TMTC4: variants seen among roughly 807,000 people sequenced by gnomAD.
TMTC4 encodes the protein protein O-mannosyl-transferase TMTC4.
TMTC4 carries 65 observed loss-of-function variants against 86.0 expected under a neutral mutation model. That is an observed-to-expected ratio of 0.76 (90% CI 0.62 to 0.93). The LOEUF is 0.93. Ranked by LOEUF, TMTC4 falls within the 40% of genes least tolerant of loss-of-function variation. TMTC4 has a pLI of 0.00. For missense variants in TMTC4, 866 were observed against 948.1 expected, an observed-to-expected ratio of 0.91 and a Z score of 1.14; for synonymous variants, 379 against 382.5, an observed-to-expected ratio of 0.99 and a Z score of 0.11.
intron 15 of TMTC4, among the ~76,000 whole-genome samples, chr13:100,618,811 G>A (rs1482276542): frequency 1.3e-5 from 2 of 152,198 alleles, no homozygotes; most frequent in Non-Finnish European, 2.9e-5. Flanking sequence ...TGGGGGTAAG[G>A]TCACCGATTA....
chr13:100,665,829 G>A (rs1886326984), intron 3 of TMTC4: 1 of 324,254 alleles, frequency 3.1e-6, no homozygotes, highest in African/African-American at 2.2e-5. Context: ...ACTGTTAAGG[G>A]TGACATTTGC....
At chr13:100,631,401 C>T (rs1474602314) in intron 12 of TMTC4, among the ~76,000 whole-genome samples, 2 of 152,214 alleles carry the variant, frequency 1.3e-5, no homozygotes, top group African/African-American at 2.4e-5. Context: ...GGCATATGAT[C>T]TGTTTCATTG....
At chr13:100,664,023 C>A (rs1886111016) in intron 4 of TMTC4, among the ~76,000 whole-genome samples, 198 bp downstream of exon 4, 1 of 152,092 alleles carries the variant, frequency 6.6e-6, no homozygotes, top group African/African-American at 2.4e-5. Context: ...GAAACACCAC[C>A]AATGTGCACG....
chr13:100,662,256 G>A (rs1885873944), intron 5 of TMTC4, among the ~76,000 whole-genome samples: 2 of 143,098 alleles, frequency 1.4e-5, no homozygotes, highest in Admixed American at 6.8e-5. Flanking sequence ...GTGAGGTGGA[G>A]GAGGGTGGAG....
At chr13:100,663,930 G>C (rs1449563754) in intron 4 of TMTC4, among the ~76,000 whole-genome samples, 1 of 152,152 alleles carries the variant, frequency 6.6e-6, no homozygotes, top group Admixed American at 6.5e-5. Flanking sequence ...AGTTTCATCA[G>C]AGGCCCCATG....
intron 12 of TMTC4, among the ~76,000 whole-genome samples, chr13:100,633,423 G>C (rs1193551469): frequency 1.3e-5 from 2 of 150,912 alleles, no homozygotes; most frequent in Non-Finnish European, 2.9e-5. Flanking sequence ...AAATCCAGCA[G>C]ATAGGTATTA....
intron 12 of TMTC4, among the ~76,000 whole-genome samples, chr13:100,632,026 C>CACACACACACAA (rs1881446810): frequency 1.5e-5 from 1 of 67,142 alleles, no homozygotes; most frequent in African/African-American, 4.7e-5. Context: ...CACACACACA[C>CACACACACACAA]ACACACACAC....
chr13:100,605,464 G>C lies in TMTC4; in HGVS notation c.2135-322C>G, dbSNP rs1876440747. Among the ~76,000 whole-genome samples the C allele has an allele frequency of 6.6e-6, 1 of 152,182 alleles. No homozygotes were observed. Among genetic ancestry groups the C allele is most frequent in the Non-Finnish European group, 1.5e-5 (1 of 68,038 alleles). ...CTGCCATGAAATTTCCAGGAAGCAA[G>C]GCTGGGTATGGGAGGTGGGGGTGAT... On this transcript the variant is annotated intron_variant, in intron 18 of 18. Transcript: ENST00000342624. The surrounding 1 kb of genome is among the most constrained non-coding windows in gnomAD (Gnocchi z 4.3).
chr13:100,674,348 C>G (rs1333135127), intron 1 of TMTC4: 1 of 978,456 alleles, frequency 1.0e-6, no homozygotes, highest in African/African-American at 1.8e-5. Flanking sequence ...GGCGCGGGGC[C>G]CCGCGGCCAG....
chr13:100,670,931 G>A (rs1315483765), intron 1 of TMTC4, among the ~76,000 whole-genome samples: 2 of 152,220 alleles, frequency 1.3e-5, no homozygotes, highest in African/African-American at 4.8e-5. Flanking sequence ...TACAGCATGG[G>A]CAACAGAGTG....
At chr13:100,642,380 TA>T in intron 6 of TMTC4, 69 bp from the exon 7 acceptor site, 1 of 1,547,420 alleles carries the variant, frequency 6.5e-7, no homozygotes, top group Non-Finnish European at 8.9e-7. Flanking sequence ...CATCAGGAAC[TA>T]AAATTCTAAG....
chr13:100,674,400 G>C (rs1340824151), intron 1 of TMTC4: 2 of 940,966 alleles, frequency 2.1e-6, no homozygotes, highest in Non-Finnish European at 2.5e-6. Context: ...GGGTGCGCCC[G>C]GGCCGAGGGA....
chr13:100,656,486 A>G lies in TMTC4; in HGVS notation c.553-18T>C, dbSNP rs775601593. ...CCAGCAACCTTAAAAAAGGGGGAAG[A>G]AAACAAAGAATTACATAAAACACAT... On this transcript the variant is annotated intron_variant, in intron 5 of 18. Transcript: ENST00000342624. 1 of 1,591,900 alleles carries G rather than the reference A, an allele frequency of 6.3e-7. No individual in the cohort carries two copies. The highest frequency in any genetic ancestry group is 8.5e-7 in the Non-Finnish European group (1 of 1,170,046).
intron 4 of TMTC4, 41 bp downstream of exon 4, chr13:100,664,180 C>T: frequency 2.0e-6 from 3 of 1,531,586 alleles, no homozygotes; most frequent in Non-Finnish European, 2.6e-6. Flanking sequence ...CACACACAAG[C>T]TGGGAGGGAC....
chr13:100,654,656 A>C (rs562042189), intron 6 of TMTC4, among the ~76,000 whole-genome samples: 1 of 152,282 alleles, frequency 6.6e-6, no homozygotes, highest in South Asian at 2.1e-4. Context: ...TTCCAGAAAA[A>C]GAATATAAAA....
chr13:100,637,896 C>T (rs1882482501), intron 8 of TMTC4, 34 bp downstream of exon 8: 2 of 1,569,282 alleles, frequency 1.3e-6, no homozygotes, highest in Admixed American at 3.6e-5. Context: ...TGACATTTTC[C>T]ATGTCTGGGC....
At chr13:100,634,753 T>C in intron 12 of TMTC4, 52 bp downstream of exon 12, 1 of 1,580,388 alleles carries the variant, frequency 6.3e-7, no homozygotes, top group Non-Finnish European at 8.6e-7. Context: ...GCCCAAGAAC[T>C]TAACAGATAC....
chr13:100,636,704 T>C lies in TMTC4; in HGVS notation c.1030A>G (p.Asn344Asp), dbSNP rs1318078448. 6.2e-7 allele frequency: 1 copy of C among 1,614,048 alleles called. No individual in the cohort carries two copies. Among genetic ancestry groups the C allele is most frequent in the African/African-American group, 1.3e-5 (1 of 74,936 alleles). The part of the protein sequence containing the change: ...AVNYNYYYSL[N>D]AWLLLCPWWL... ...CAGGGACACAGCAGCAGCCAGGCAT[T>C]CAATGAATAGTAGTAATTGTAGTTT... The change falls in exon 10 of 19, where the codon AAT becomes GAT. Residue 344 changes from asparagine (N) to aspartate (D), a missense_variant. Coordinates refer to ENST00000342624, the MANE Select transcript of TMTC4 (RefSeq NM_032813.5).
At chr13:100,669,549 G>T (rs1159257971) in intron 2 of TMTC4, among the ~76,000 whole-genome samples, 1 of 152,120 alleles carries the variant, frequency 6.6e-6, no homozygotes, top group Non-Finnish European at 1.5e-5. Context: ...ATCCTATTTT[G>T]AACTTTTCTT....
Sources: gnomAD v4.1 joint callset for allele counts (sites outside exome capture counted in the v4.1 genomes callset) on GRCh38, gnomAD v4.1.1 for gene constraint, Gnocchi (gnomAD v3.1) non-coding constraint, MANE v1.5 for transcripts, NCBI Gene and HGNC (gene_info 2026-07-23, HGNC 2026-07-21) for gene names.